The following CFAP53 variants were observed in gnomAD, a reference collection of about 807,000 sequenced individuals.
CFAP53 encodes the protein cilia- and flagella-associated protein 53.
In CFAP53, 62 loss-of-function variants were observed where a neutral mutation model predicts 59.7. The ratio of observed to expected loss-of-function variants is 1.04; its 90% CI spans 0.85 to 1.28. The LOEUF is 1.28. Ranked by LOEUF, CFAP53 falls within the 50% of genes most tolerant of loss-of-function variation. The pLI is 0.00. For synonymous variants in CFAP53, 218 were observed against 205.7 expected (o/e 1.06, Z -0.51); for missense variants, 629 against 615.6 (o/e 1.02, Z -0.23).
intron 6 of CFAP53, among the ~76,000 whole-genome samples, chr18:50,241,526 C>T (rs556477551): frequency 9.2e-5 from 14 of 152,228 alleles, no homozygotes; most frequent in Non-Finnish European, 8.8e-5. Flanking sequence ...AATATTTCAA[C>T]GTAGGTCCTT....
At chr18:50,246,031 A>T (rs2033740787) in intron 5 of CFAP53, among the ~76,000 whole-genome samples, 1 of 152,194 alleles carries the variant, frequency 6.6e-6, no homozygotes, top group Non-Finnish European at 1.5e-5. Context: ...CTGGGATTAC[A>T]GGCATGGGCC....
chr18:50,263,635 A>C (rs765164510), intron 1 of CFAP53, among the ~76,000 whole-genome samples: 4 of 152,212 alleles, frequency 2.6e-5, no homozygotes, highest in South Asian at 2.1e-4. Context: ...GCATTTTATG[A>C]ATATAGATCT....
intron 5 of CFAP53, among the ~76,000 whole-genome samples, chr18:50,247,612 G>C (rs1421278179): frequency 5.9e-5 from 9 of 152,204 alleles, no homozygotes. Flanking sequence ...CCATACAATG[G>C]AATATCATTC....
At chr18:50,263,811 G>A (rs938588278) in intron 1 of CFAP53, among the ~76,000 whole-genome samples, 19 of 152,188 alleles carry the variant, frequency 1.2e-4, no homozygotes, top group Non-Finnish European at 1.3e-4. Context: ...TATTTTGGCT[G>A]AAGAGGTGAC....
At chr18:50,249,655 T>C (rs1296509339) in intron 5 of CFAP53, among the ~76,000 whole-genome samples, 2 of 152,088 alleles carry the variant, frequency 1.3e-5, no homozygotes, top group African/African-American at 4.8e-5. Context: ...TCTACTAATA[T>C]AACATTCCCA....
chr18:50,240,138 C>T (rs2033675256), intron 6 of CFAP53, among the ~76,000 whole-genome samples: 1 of 152,014 alleles, frequency 6.6e-6, no homozygotes, highest in Non-Finnish European at 1.5e-5. Context: ...CTGACTCATT[C>T]TGATCATCTG....
chr18:50,257,257 G>C (rs2033854426), intron 3 of CFAP53, among the ~76,000 whole-genome samples: 1 of 152,074 alleles, frequency 6.6e-6, no homozygotes, highest in Non-Finnish European at 1.5e-5. Context: ...CATAGCACTG[G>C]AAGTCCTAGC....
At chr18:50,265,167 C>T (rs150555448) in intron 1 of CFAP53, among the ~76,000 whole-genome samples, 1 of 152,056 alleles carries the variant, frequency 6.6e-6, no homozygotes, top group Non-Finnish European at 1.5e-5. Flanking sequence ...AAGTTGAGCA[C>T]CCCTAATTTG....
At chr18:50,243,212 TC>T in intron 5 of CFAP53, 96 bp from the exon 6 acceptor site, 1 of 820,568 alleles carries the variant, frequency 1.2e-6, no homozygotes, top group Non-Finnish European at 2.0e-6. Context: ...CCAATCCCAA[TC>T]TTTTAGAACT....
rs150363033 is a variant in CFAP53, at chr18:50,243,781, C to G, written c.997-665G>C. Among the ~76,000 whole-genome samples the G allele has an allele frequency of 3.6e-3, 541 of 152,128 alleles. 3 individuals are homozygous for G. The highest frequency in any genetic ancestry group is 0.012 in the African/African-American group (481 of 41,496). On this transcript the variant is annotated intron_variant, in intron 5 of 7. Transcript: ENST00000398545. ...CCTGGCTAACATGGTGAAACCCCGT[C>G]TCTACTAAAAATACAAAAAAATTAG... is the stretch of plus-strand genomic sequence containing the variant.
At chr18:50,236,656 T>C (rs1337003584) in intron 7 of CFAP53, among the ~76,000 whole-genome samples, 3 of 152,184 alleles carry the variant, frequency 2.0e-5, no homozygotes, top group African/African-American at 7.2e-5. Flanking sequence ...AAACTCCTAG[T>C]TGATAACTGA....
intron 5 of CFAP53, 111 bp from the exon 6 acceptor site, chr18:50,243,227 T>A: frequency 1.4e-6 from 1 of 717,778 alleles, no homozygotes; most frequent in Non-Finnish European, 2.3e-6. Flanking sequence ...TAGAACTATG[T>A]ACTGAAACAT....
rs1416431555 is a variant in CFAP53 at position 50,266,439 on chromosome 18, C to T, written c.-35G>A. On this transcript the variant is annotated 5_prime_UTR_variant, in exon 1 of 8. Coordinates refer to ENST00000398545, the MANE Select transcript of CFAP53 (RefSeq NM_145020.5). ...CCCTTCGGGACGGGGGCGGCGTCCGCCGCGTTTCCCCCAACCGTGGCGACC... is the reference window on the plus strand; with the variant it reads ...CCCTTCGGGACGGGGGCGGCGTCCGTCGCGTTTCCCCCAACCGTGGCGACC... The T allele has an allele frequency of 1.9e-6, 3 of 1,606,912 alleles. No homozygotes were observed. The highest frequency in any genetic ancestry group is 1.1e-5 in the South Asian group (1 of 90,956).
chr18:50,244,682 C>A (rs1431085374), intron 5 of CFAP53, among the ~76,000 whole-genome samples: 1 of 152,114 alleles, frequency 6.6e-6, no homozygotes, highest in Non-Finnish European at 1.5e-5. Context: ...AAGAGCATGA[C>A]AGCCCACTTG....
intron 5 of CFAP53, among the ~76,000 whole-genome samples, chr18:50,243,728 G>C (rs1314706745): frequency 6.6e-6 from 1 of 152,056 alleles, no homozygotes; most frequent in African/African-American, 2.4e-5. Flanking sequence ...GAGGCGGGTG[G>C]ATCACGAGGT....
intron 7 of CFAP53, among the ~76,000 whole-genome samples, chr18:50,238,397 T>C (rs540249165): frequency 1.3e-5 from 2 of 152,350 alleles, no homozygotes; most frequent in Non-Finnish European, 1.5e-5. Context: ...CAGGTCTATG[T>C]CACCATATCT....
intron 5 of CFAP53, among the ~76,000 whole-genome samples, chr18:50,247,320 C>T (rs1027911082): frequency 8.5e-5 from 13 of 152,172 alleles, no homozygotes; most frequent in African/African-American, 2.9e-4. Flanking sequence ...TGTTGGTGAG[C>T]ATGTGGATAA....
intron 5 of CFAP53, among the ~76,000 whole-genome samples, chr18:50,245,676 C>T (rs2033737310): frequency 6.6e-6 from 1 of 152,152 alleles, no homozygotes; most frequent in Non-Finnish European, 1.5e-5. Flanking sequence ...GTGAAAATGA[C>T]AGCACTTCCC....
intron 1 of CFAP53, among the ~76,000 whole-genome samples, chr18:50,264,826 G>A (rs562705266): frequency 6.6e-6 from 1 of 152,262 alleles, no homozygotes; most frequent in South Asian, 2.1e-4. Context: ...CAATGGCTCA[G>A]CCCCTGAGCC....
Sources: gnomAD v4.1 joint callset for allele counts (sites outside exome capture counted in the v4.1 genomes callset) on GRCh38, gnomAD v4.1.1 for gene constraint, MANE v1.5 for transcripts, NCBI Gene and HGNC (gene_info 2026-07-23, HGNC 2026-07-21) for gene names.